The following ZNF346 variants were observed in gnomAD, a reference collection of about 807,000 sequenced individuals.
ZNF346 encodes double-stranded RNA-binding zinc finger protein JAZ.
In ZNF346, 23 loss-of-function variants were observed where a neutral mutation model predicts 33.7. The ratio of observed to expected loss-of-function variants is 0.68; its 90% CI spans 0.49 to 0.97. The LOEUF (loss-of-function observed/expected upper bound fraction) is 0.97. Ranked by LOEUF, ZNF346 falls within the 50% of genes least tolerant of loss-of-function variation. The probability of loss-of-function intolerance (pLI) is 0.00; values close to 1 mark genes in which losing one functional copy is unlikely to be tolerated. For synonymous variants in ZNF346, 134 were observed against 142.4 expected, an observed-to-expected ratio of 0.94 and a Z score of 0.42; for missense variants, 340 against 371.1, an observed-to-expected ratio of 0.92 and a Z score of 0.69.
Position 177,062,113 on chromosome 5 carries a change from G to A in ZNF346, c.759G>A (p.Gln253=), listed in dbSNP as rs1221059278. 6.2e-7 allele frequency: 1 copy of A among 1,614,124 alleles called. No homozygotes were observed. The part of the protein sequence containing the change: ...TCKIVLNSIE[Q]YQAHVSGFKH... ...AGATAGTGCTGAACTCCATAGAACAGTACCAAGCTCATGTCAGCGGCTTCA... is the reference window on the plus strand; with the variant it reads ...AGATAGTGCTGAACTCCATAGAACAATACCAAGCTCATGTCAGCGGCTTCA... The change falls in exon 6 of 7, where the codon CAG becomes CAA. Residue 253 remains glutamine, a synonymous_variant. Coordinates refer to ENST00000358149, the MANE Select transcript of ZNF346 (RefSeq NM_012279.4).
chr5:177,025,570 G>T (rs1053323416), intron 1 of ZNF346, among the ~76,000 whole-genome samples: 1 of 152,112 alleles, frequency 6.6e-6, no homozygotes, highest in African/African-American at 2.4e-5. Context: ...TGTCTTTTTT[G>T]ATTATAGGCA....
At chr5:177,030,506 A>G (rs1333313822) in intron 1 of ZNF346, among the ~76,000 whole-genome samples, 4 of 151,444 alleles carry the variant, frequency 2.6e-5, no homozygotes, top group Non-Finnish European at 5.9e-5. Context: ...ATGGGGTTTC[A>G]CCGTGTTAGC....
intron 3 of ZNF346, chr5:177,042,324 G>T (rs559001620): frequency 6.5e-6 from 1 of 153,404 alleles, no homozygotes; most frequent in African/African-American, 2.4e-5. Context: ...ATTGAGAGGT[G>T]ATCACATGTG....
intron 4 of ZNF346, among the ~76,000 whole-genome samples, chr5:177,048,076 C>T (rs765592867): frequency 6.6e-6 from 1 of 152,146 alleles, no homozygotes; most frequent in Non-Finnish European, 1.5e-5. Context: ...CATTTAATCT[C>T]CCCACCCCCC....
chr5:177,054,924 T>A (rs1781465901), intron 5 of ZNF346, among the ~76,000 whole-genome samples: 1 of 152,164 alleles, frequency 6.6e-6, no homozygotes, highest in Non-Finnish European at 1.5e-5. Context: ...AATAGTAGGT[T>A]CTTTATGGTA....
chr5:177,034,217 T>TA (rs1554144248), intron 1 of ZNF346, among the ~76,000 whole-genome samples: 2 of 150,494 alleles, frequency 1.3e-5, no homozygotes, highest in South Asian at 2.1e-4. Context: ...TTTTTTTTTT[T>TA]AATTTTGAGA....
At chr5:177,061,182 C>A (rs1782492204) in intron 5 of ZNF346, among the ~76,000 whole-genome samples, 1 of 149,576 alleles carries the variant, frequency 6.7e-6, no homozygotes, top group South Asian at 2.1e-4. Flanking sequence ...TGCGGTAGCT[C>A]ACGCCTATAA....
chr5:177,028,040 C>CT (rs10682528), intron 1 of ZNF346, among the ~76,000 whole-genome samples: 348 of 33,538 alleles, frequency 0.01, 100 homozygotes, highest in African/African-American at 0.025. Context: ...CCTTGTGTCA[C>CT]TTTTTTTTTT....
intron 6 of ZNF346, 44 bp from the exon 7 acceptor site, chr5:177,064,468 C>T (rs765483832): frequency 6.7e-7 from 1 of 1,498,762 alleles, no homozygotes; most frequent in Admixed American, 1.7e-5. Context: ...GCCAATACAG[C>T]TGCCACACAC....
rs190998623 is a variant in ZNF346, at chr5:177,026,284, C to G, written c.175+3371C>G. 3.6e-3 allele frequency among the ~76,000 whole-genome samples: 550 copies of G among 151,378 alleles called. 2 individuals carry two copies. Among genetic ancestry groups the G allele is most frequent in the Non-Finnish European group, 4.4e-3 (297 of 67,894 alleles). On this transcript the variant is annotated intron_variant, in intron 1 of 6. Coordinates refer to ENST00000358149, the MANE Select transcript of ZNF346 (RefSeq NM_012279.4). Reference sequence around the variant, plus strand: ...CCTCCCAAAGTGCTGGCATTACACGCGTGAGCTACCATGCCCAGCCCCTTC... The same window carrying G: ...CCTCCCAAAGTGCTGGCATTACACGGGTGAGCTACCATGCCCAGCCCCTTC...
intron 1 of ZNF346, among the ~76,000 whole-genome samples, chr5:177,035,875 G>A (rs1227738532): frequency 4.0e-5 from 6 of 151,804 alleles, no homozygotes; most frequent in South Asian, 2.1e-4. Flanking sequence ...TCCTGGCCTC[G>A]TGATCCGCCC....
rs1216339059 is a variant in ZNF346 at position 177,067,226 on chromosome 5, G to C, written c.*2627G>C. On this transcript the variant is annotated 3_prime_UTR_variant, in exon 7 of 7. Coordinates refer to ENST00000358149, the MANE Select transcript of ZNF346 (RefSeq NM_012279.4). ...CCACTGTACTCCAGCCTGGACAACA[G>C]AGCAAGACCCTGTCTCTAAAAATAA... 6.6e-6 allele frequency among the ~76,000 whole-genome samples: 1 copy of C among 152,160 alleles called. No homozygotes were observed. Among genetic ancestry groups the C allele is most frequent in the Non-Finnish European group, 1.5e-5 (1 of 68,046 alleles).
At chr5:177,068,036 T>C (rs977422951), downstream of ZNF346, among the ~76,000 whole-genome samples, 1 of 151,936 alleles carries the variant, frequency 6.6e-6, no homozygotes, top group Non-Finnish European at 1.5e-5. Flanking sequence ...CTCTAAGAAA[T>C]GACAAAATGG....
intron 1 of ZNF346, among the ~76,000 whole-genome samples, chr5:177,029,663 C>T (rs921772922): frequency 6.6e-6 from 1 of 152,158 alleles, no homozygotes; most frequent in African/African-American, 2.4e-5. Context: ...ACCAAGATGG[C>T]GACTTGAGAG....
At chr5:177,070,140 A>C (rs573215620), downstream of ZNF346, among the ~76,000 whole-genome samples, 1 of 152,312 alleles carries the variant, frequency 6.6e-6, no homozygotes, top group African/African-American at 2.4e-5. Flanking sequence ...AGTTTTCCAA[A>C]GTGGCTCTAT....
Position 177,066,846 on chromosome 5 carries a change from G to A in ZNF346, c.*2247G>A, listed in dbSNP as rs1307127828. 2.0e-5 allele frequency among the ~76,000 whole-genome samples: 3 copies of A among 152,122 alleles called. No individual in the cohort carries two copies. Among genetic ancestry groups the A allele is most frequent in the African/African-American group, 7.2e-5 (3 of 41,420 alleles). On this transcript the variant is annotated 3_prime_UTR_variant, in exon 7 of 7. Transcript: ENST00000358149. ...GGCCAAGGCAGGTGGATAACCTGAGGTCAGAAGTTCGAGACCAGCCTGGCC... is the reference window on the plus strand; with the variant it reads ...GGCCAAGGCAGGTGGATAACCTGAGATCAGAAGTTCGAGACCAGCCTGGCC...
At chr5:177,029,838 G>C (rs1777409671) in intron 1 of ZNF346, among the ~76,000 whole-genome samples, 1 of 152,104 alleles carries the variant, frequency 6.6e-6, no homozygotes, top group Admixed American at 6.6e-5. Flanking sequence ...ATAGCCGGTT[G>C]GTCAGAAAAA....
chr5:177,074,440 G>A (rs1200469884), intron 8 of ZNF346, among the ~76,000 whole-genome samples: 1 of 152,196 alleles, frequency 6.6e-6, no homozygotes, highest in Non-Finnish European at 1.5e-5. Context: ...ACAGAAGAGA[G>A]AATGAGTTTT....
At chr5:177,035,521 C>T (rs995807364) in intron 1 of ZNF346, among the ~76,000 whole-genome samples, 6 of 151,388 alleles carry the variant, frequency 4.0e-5, no homozygotes, top group Non-Finnish European at 7.4e-5. Flanking sequence ...AGTGCAATGG[C>T]GCAATCTTGG....
Sources: allele counts gnomAD v4.1 joint callset (sites outside exome capture counted in the v4.1 genomes callset), GRCh38; gene constraint gnomAD v4.1.1; transcripts MANE v1.5; gene names NCBI Gene and HGNC (gene_info 2026-07-23, HGNC 2026-07-21).